The following KIAA1958 variants were observed in gnomAD, a reference collection of about 807,000 sequenced individuals.
KIAA1958 encodes uncharacterized protein KIAA1958.
Under a neutral mutation model 47.2 loss-of-function variants are expected in KIAA1958, and 14 were observed. The ratio of observed to expected loss-of-function variants is 0.30; its 90% CI spans 0.20 to 0.46. The LOEUF is 0.46. KIAA1958 is among the 20% of genes least tolerant of loss of function. KIAA1958 has a pLI of 1.00. For missense variants in KIAA1958, 803 were observed against 909.2 expected, an observed-to-expected ratio of 0.88 and a Z score of 1.50; for synonymous variants, 354 against 353.3, an observed-to-expected ratio of 1.00 and a Z score of -0.02.
At chr9:112,543,745 G>T (rs1329375513) in intron 1 of KIAA1958, among the ~76,000 whole-genome samples, 1 of 151,822 alleles carries the variant, frequency 6.6e-6, no homozygotes, top group African/African-American at 2.4e-5. Context: ...GTCTAATTTT[G>T]TATTTTTAGT....
At chr9:112,637,803 G>A (rs951152899) in intron 2 of KIAA1958, among the ~76,000 whole-genome samples, 2 of 152,176 alleles carry the variant, frequency 1.3e-5, no homozygotes, top group African/African-American at 4.8e-5. Context: ...TCAGTCTGAT[G>A]TTGTGCTGTA....
intron 1 of KIAA1958, among the ~76,000 whole-genome samples, chr9:112,517,002 T>C (rs954040204): frequency 1.3e-5 from 2 of 152,216 alleles, no homozygotes; most frequent in Non-Finnish European, 2.9e-5. Context: ...TTGGTTGCCT[T>C]TGATTGGCTG....
chr9:112,638,156 TAAAC>T (rs933840237), intron 2 of KIAA1958, among the ~76,000 whole-genome samples: 4 of 151,696 alleles, frequency 2.6e-5, no homozygotes, highest in Admixed American at 6.6e-5. Flanking sequence ...CTCAAAAAAA[TAAAC>T]AAAAAATAAA....
intron 2 of KIAA1958, among the ~76,000 whole-genome samples, chr9:112,577,684 G>A (rs1436762192): frequency 6.6e-6 from 1 of 151,228 alleles, no homozygotes; most frequent in African/African-American, 2.4e-5. Context: ...CATCTGCCTT[G>A]TGGATAGTAA....
At chr9:112,510,725 A>G (rs1296011252) in intron 1 of KIAA1958, among the ~76,000 whole-genome samples, 1 of 152,158 alleles carries the variant, frequency 6.6e-6, no homozygotes, top group Non-Finnish European at 1.5e-5. Context: ...CTGTCAGGTG[A>G]TAATAAATGC....
At chr9:112,590,271 G>A (rs2131189331) in intron 2 of KIAA1958, among the ~76,000 whole-genome samples, 1 of 151,958 alleles carries the variant, frequency 6.6e-6, no homozygotes, top group East Asian at 1.9e-4. Context: ...TTTAACACAT[G>A]CCATCAAGTC....
Position 112,556,836 on chromosome 9 carries a change from G to C in KIAA1958, c.-24-17221G>C, listed in dbSNP as rs114760499. Among the ~76,000 whole-genome samples the C allele has an allele frequency of 3.0e-3, 461 of 152,310 alleles. 3 individuals carry two copies. The highest frequency in any genetic ancestry group is 0.011 in the African/African-American group (440 of 41,562). On this transcript the variant is annotated intron_variant, in intron 1 of 3. Transcript: ENST00000337530. ...GCAGGAGTGCCCTCTGTTCTTGTCA[G>C]ATTGGGCTGGGGGTAGTGGGGCAGG...
intron 2 of KIAA1958, among the ~76,000 whole-genome samples, chr9:112,634,290 G>T (rs371412142): frequency 2.0e-5 from 3 of 152,136 alleles, no homozygotes; most frequent in Admixed American, 6.5e-5. Context: ...GTGCAGTGGC[G>T]CAATCTCGGC....
At chr9:112,573,795 C>A (rs1343654172) in intron 1 of KIAA1958, among the ~76,000 whole-genome samples, 1 of 152,104 alleles carries the variant, frequency 6.6e-6, no homozygotes, top group Non-Finnish European at 1.5e-5. Flanking sequence ...TTCTTTCCCC[C>A]CTTAGGCAGG....
intron 1 of KIAA1958, among the ~76,000 whole-genome samples, chr9:112,545,826 T>TGTTTTTTG (rs1554722793): frequency 1.6e-4 from 1 of 6,438 alleles, no homozygotes; most frequent in African/African-American, 2.3e-4. Flanking sequence ...GGTTTCTTTG[T>TGTTTTTTG]TTTTTTTTTT....
intron 1 of KIAA1958, among the ~76,000 whole-genome samples, chr9:112,543,006 T>C (rs1172915691): frequency 6.6e-6 from 1 of 152,228 alleles, no homozygotes; most frequent in African/African-American, 2.4e-5. Flanking sequence ...ATTACATGGC[T>C]TGCTTCGGGA....
At chr9:112,599,116 A>G (rs905432021) in intron 2 of KIAA1958, among the ~76,000 whole-genome samples, 9 of 152,180 alleles carry the variant, frequency 5.9e-5, no homozygotes, top group Non-Finnish European at 1.2e-4. Context: ...TTTGCATTGG[A>G]AAGCTATGCA....
chr9:112,582,810 T>A (rs1353067248), intron 2 of KIAA1958, among the ~76,000 whole-genome samples: 2 of 151,884 alleles, frequency 1.3e-5, no homozygotes, highest in Non-Finnish European at 2.9e-5. Context: ...TGGAATGAGT[T>A]CCCATGCTTC....
chr9:112,570,219 A>G (rs901485821), intron 1 of KIAA1958, among the ~76,000 whole-genome samples: 22 of 152,240 alleles, frequency 1.4e-4, no homozygotes, highest in African/African-American at 4.6e-4. Context: ...CTCAGTATCA[A>G]CAAGTATCTT....
chr9:112,538,191 T>G (rs1169440750), intron 1 of KIAA1958, among the ~76,000 whole-genome samples: 1 of 151,524 alleles, frequency 6.6e-6, no homozygotes, highest in Non-Finnish European at 1.5e-5. Context: ...TAAAAATAAA[T>G]AAAAATAGCC....
At chr9:112,556,574 A>G (rs1835246188) in intron 1 of KIAA1958, among the ~76,000 whole-genome samples, 2 of 152,146 alleles carry the variant, frequency 1.3e-5, no homozygotes, top group Admixed American at 6.5e-5. Context: ...TCCTCAAGCA[A>G]TCTTCCTGTC....
intron 2 of KIAA1958, among the ~76,000 whole-genome samples, chr9:112,607,292 C>G (rs1216732700): frequency 6.6e-6 from 1 of 151,610 alleles, no homozygotes; most frequent in African/African-American, 2.4e-5. Flanking sequence ...AGGATAGCGC[C>G]ACTGCACTCC....
intron 2 of KIAA1958, among the ~76,000 whole-genome samples, chr9:112,626,379 CTTT>C (rs552534625): frequency 6.6e-6 from 1 of 151,742 alleles, no homozygotes; most frequent in Non-Finnish European, 1.5e-5. Flanking sequence ...TGTGATTTGT[CTTT>C]TTTTTGTAAT....
chr9:112,634,499 G>A (rs1836767620), intron 2 of KIAA1958, among the ~76,000 whole-genome samples: 1 of 152,072 alleles, frequency 6.6e-6, no homozygotes, highest in Admixed American at 6.5e-5. Context: ...CCAAAGTGCT[G>A]GGATTACAGG....
Sources: gnomAD v4.1 joint callset for allele counts (sites outside exome capture counted in the v4.1 genomes callset) on GRCh38, gnomAD v4.1.1 for gene constraint, MANE v1.5 for transcripts, NCBI Gene and HGNC (gene_info 2026-07-23, HGNC 2026-07-21) for gene names.